COA7: variants seen among roughly 807,000 people sequenced by gnomAD.
The protein encoded by COA7 is cytochrome c oxidase assembly factor 7.
In COA7, 12 loss-of-function variants were observed where a neutral mutation model predicts 21.0. That is an observed-to-expected ratio of 0.57 (90% CI 0.37 to 0.92). The LOEUF (loss-of-function observed/expected upper bound fraction) is 0.92, where lower values mean the gene tolerates loss of function less well. Ranked by LOEUF, COA7 falls within the 40% of genes least tolerant of loss-of-function variation. COA7 has a pLI of 0.01. For missense variants in COA7, 240 were observed against 286.1 expected (o/e 0.84, Z 1.16); for synonymous variants, 95 against 107.4 (o/e 0.88, Z 0.72).
chr1:52,690,667 C>CATTTATTT (rs59584460), intron 2 of COA7, among the ~76,000 whole-genome samples: 3,122 of 149,600 alleles, frequency 0.021, 67 homozygotes, highest in African/African-American at 0.059. Context: ...CATTTATTTA[C>CATTTATTT]ATTTATTTAT....
chr1:52,695,039 A>G (rs1644074692), intron 1 of COA7, among the ~76,000 whole-genome samples: 1 of 152,164 alleles, frequency 6.6e-6, no homozygotes, highest in Non-Finnish European at 1.5e-5. Context: ...CATGCCTGTA[A>G]TCCCAGCACT....
At chr1:52,691,887 T>G (rs777723576) in intron 2 of COA7, among the ~76,000 whole-genome samples, 4 of 152,160 alleles carry the variant, frequency 2.6e-5, no homozygotes, top group Non-Finnish European at 5.9e-5. Flanking sequence ...GTGATAGAAA[T>G]GAAAAGTGTG....
At chr1:52,690,645 C>A (rs1409651046) in intron 2 of COA7, among the ~76,000 whole-genome samples, 1 of 151,224 alleles carries the variant, frequency 6.6e-6, no homozygotes, top group Admixed American at 6.6e-5. Context: ...AGGTTAGAAT[C>A]ATTTTTATTT....
Position 52,698,215 on chromosome 1 carries a change from G to A in COA7, c.106+6C>T. 1.2e-6 allele frequency: 2 copies of A among 1,601,986 alleles called. No individual in the cohort carries two copies. Among genetic ancestry groups the A allele is most frequent in the African/African-American group, 1.3e-5 (1 of 74,714 alleles). ...CGCGTCGCCGGGCTGCGCTGGAGCC[G>A]CTCACCGTCCGGGTCCTTCTCGTGG... is the stretch of plus-strand genomic sequence containing the variant. On this transcript the variant is annotated splice_donor_region_variant and intron_variant, in intron 1 of 2. Transcript: ENST00000371538.
chr1:52,690,541 G>C (rs1440161284), intron 2 of COA7, among the ~76,000 whole-genome samples: 2 of 151,910 alleles, frequency 1.3e-5, no homozygotes, highest in Non-Finnish European at 2.9e-5. Flanking sequence ...TGAAACTAAG[G>C]AAACTGCTGA....
chr1:52,687,510 G>A lies in COA7; in HGVS notation c.*210C>T. Reference sequence around the variant, plus strand: ...TATTGACTGTAATAAACATTGTACAGAACACCCAGATAAAGGAATATTGAC... The same window carrying A: ...TATTGACTGTAATAAACATTGTACAAAACACCCAGATAAAGGAATATTGAC... On this transcript the variant is annotated 3_prime_UTR_variant, in exon 3 of 3. Transcript: ENST00000371538. The A allele has an allele frequency of 1.5e-5, 9 of 598,400 alleles. No homozygotes were observed. The South Asian group carries it at 1.9e-4, about 13-fold the overall frequency. The allele number at this position is 598,400 out of a possible 1,614,324, so 37.1% of individuals were successfully genotyped here.
At chr1:52,694,353 C>A (rs141869273) in intron 1 of COA7, among the ~76,000 whole-genome samples, 1 of 150,298 alleles carries the variant, frequency 6.7e-6, no homozygotes. Context: ...CCCAGCTACT[C>A]GGGAGGCTGA....
intron 2 of COA7, 35 bp downstream of exon 2, chr1:52,692,692 C>A: frequency 6.2e-7 from 1 of 1,613,074 alleles, no homozygotes; most frequent in East Asian, 2.2e-5. Context: ...GCACTGCTAT[C>A]AATGACAAGG....
intron 1 of COA7, among the ~76,000 whole-genome samples, chr1:52,693,550 G>A (rs937024913): frequency 1.1e-4 from 17 of 150,974 alleles, no homozygotes; most frequent in Admixed American, 2.6e-4. Context: ...AGGTTGCGGC[G>A]GGCCGAGATC....
chr1:52,697,228 T>G (rs1457238719), intron 1 of COA7, among the ~76,000 whole-genome samples: 1 of 151,950 alleles, frequency 6.6e-6, no homozygotes, highest in African/African-American at 2.4e-5. Flanking sequence ...TGACATACTA[T>G]CTCAAAAAAG....
rs1421795957 is a variant in COA7 at position 52,698,085 on chromosome 1, G to A, written c.106+136C>T. ...GGACACATCGCCCTTCCCAACACAC[G>A]CGGTCACCGCGATCCACAGACCCCG... On this transcript the variant is annotated intron_variant, in intron 1 of 2. Coordinates refer to ENST00000371538, the MANE Select transcript of COA7 (RefSeq NM_023077.3). 2.4e-5 allele frequency: 16 copies of A among 671,756 alleles called. No homozygotes were observed. In the East Asian group the frequency reaches 3.3e-4, roughly 14 times the overall value. 41.6% of individuals were successfully genotyped at this position (671,756 alleles called of 1,614,324 possible).
At chr1:52,697,629 G>A (rs1289611016) in intron 1 of COA7, among the ~76,000 whole-genome samples, 2 of 152,128 alleles carry the variant, frequency 1.3e-5, no homozygotes, top group African/African-American at 2.4e-5. Flanking sequence ...CTGGAGTGCA[G>A]TGGCGCGATC....
At position 52,698,221 on chromosome 1, in the gene COA7, C is replaced by T; in HGVS notation, c.106G>A (p.Gly36Ser). 1.2e-6 allele frequency: 2 copies of T among 1,607,530 alleles called. No individual in the cohort carries two copies. The highest frequency in any genetic ancestry group is 8.5e-7 in the Non-Finnish European group (1 of 1,176,260). The change falls in exon 1 of 3, where the codon GGT (glycine) becomes AGT (serine). Residue 36 changes from glycine (G) to serine (S), a missense_variant and splice_region_variant. Physicochemically the swap from Gly to Ser is moderately conservative, Grantham distance 56. Transcript: ENST00000371538. The part of the protein sequence containing the change: ...YHCYHEKDPD[G>S]CYRLVDYLEG... ...GCCGGGCTGCGCTGGAGCCGCTCAC[C>T]GTCCGGGTCCTTCTCGTGGTAGCAG...
intron 1 of COA7, among the ~76,000 whole-genome samples, chr1:52,695,662 A>T (rs1644079101): frequency 6.6e-6 from 1 of 152,216 alleles, no homozygotes; most frequent in Non-Finnish European, 1.5e-5. Flanking sequence ...AAATTAAAAT[A>T]TCAGTTTATC....
Position 52,684,499 on chromosome 1 carries a change from A to T in COA7, c.*3221T>A, listed in dbSNP as rs1207514227. On this transcript the variant is annotated 3_prime_UTR_variant, in exon 3 of 3. Coordinates refer to ENST00000371538, the MANE Select transcript of COA7 (RefSeq NM_023077.3). ...TTAGAGCAATTTTAGGTTTACAGCA[A>T]AATTGAGAGGGTACAGAGATTTCCC... is the stretch of plus-strand genomic sequence containing the variant. 2 of 152,154 alleles carry T rather than the reference A, an allele frequency of 1.3e-5. No homozygotes were observed. The highest frequency in any genetic ancestry group is 2.4e-5 in the African/African-American group (1 of 41,434). The allele number at this position is 152,154 out of a possible 1,614,324, so 9.4% of individuals were successfully genotyped here. A position where few individuals can be genotyped will look rare whatever the true frequency, so the allele number is the denominator to read the frequency against.
rs563249937 is a variant in COA7 at position 52,687,612 on chromosome 1, C to T, written c.*108G>A. Reference sequence around the variant, plus strand: ...TAAATGGAGCTACAAATTCAAGTCCCAAGTTTTTTTGCTCCAGCAGGTTGA... The same window carrying T: ...TAAATGGAGCTACAAATTCAAGTCCTAAGTTTTTTTGCTCCAGCAGGTTGA... On this transcript the variant is annotated 3_prime_UTR_variant, in exon 3 of 3. Coordinates refer to ENST00000371538, the MANE Select transcript of COA7 (RefSeq NM_023077.3). The T allele has an allele frequency of 7.4e-5, 78 of 1,051,808 alleles. No individual in the cohort carries two copies. In the African/African-American group the frequency reaches 1.2e-3, roughly 16 times the overall value. The allele number at this position is 1,051,808 out of a possible 1,614,324, so 65.2% of individuals were successfully genotyped here.
Sources: allele counts gnomAD v4.1 joint callset (sites outside exome capture counted in the v4.1 genomes callset), GRCh38; gene constraint gnomAD v4.1.1; transcripts MANE v1.5; gene names NCBI Gene and HGNC (gene_info 2026-07-23, HGNC 2026-07-21).